TRIM21: variants seen among roughly 807,000 people sequenced by gnomAD.
TRIM21 encodes E3 ubiquitin-protein ligase TRIM21.
A neutral mutation model predicts 36.1 loss-of-function variants in TRIM21; 35 were observed. The observed-to-expected ratio is 0.97, with a 90% CI of 0.74 to 1.28. The LOEUF (loss-of-function observed/expected upper bound fraction) is 1.28. Ranked by LOEUF, TRIM21 falls within the 50% of genes most tolerant of loss-of-function variation. TRIM21 has a pLI of 0.00. For missense variants in TRIM21, 635 were observed against 570.7 expected (o/e 1.11, Z -1.15); for synonymous variants, 256 against 211.5 (o/e 1.21, Z -1.83).
intron 5 of TRIM21, 86 bp from the exon 6 acceptor site, chr11:4,386,343 A>T: frequency 3.6e-6 from 4 of 1,113,010 alleles, no homozygotes; most frequent in Non-Finnish European, 5.4e-6. Context: ...GGACTCCGAT[A>T]ATTTAATTCA....
rs527714053 is a variant in TRIM21, at chr11:4,386,976, G to A, written c.750C>T (p.Val250=). 11 of 1,583,352 alleles carry A rather than the reference G, an allele frequency of 6.9e-6. No individual in the cohort carries two copies. The East Asian group carries it at 1.8e-4, about 26-fold the overall frequency. The change falls in exon 5 of 7, where the codon GTC becomes GTT. Residue 250 remains valine, a synonymous_variant. Coordinates refer to ENST00000254436, the MANE Select transcript of TRIM21 (RefSeq NM_003141.4). The stretch of plus-strand genomic sequence containing the variant: ...AGAAAACTCCTCCTTACCTTTCCAG[G>A]ACAATTATCACCTCCTGAGGAGAAA... ...ALELLQEVII[V]LERSESWNLK...
At chr11:4,387,535 C>T (rs1455040800) in intron 4 of TRIM21, among the ~76,000 whole-genome samples, 1 of 152,126 alleles carries the variant, frequency 6.6e-6, no homozygotes, top group Admixed American at 6.5e-5. Context: ...TAGCAGGCTC[C>T]TAGACTCAGT....
chr11:4,389,653 C>A lies in TRIM21; in HGVS notation c.504+1G>T. On this transcript the variant is annotated splice_donor_variant, in intron 3 of 6. Coordinates refer to ENST00000254436, the MANE Select transcript of TRIM21 (RefSeq NM_003141.4). LOFTEE classifies it high-confidence loss of function. Reference sequence around the variant, plus strand: ...GATCTCCTTCAGGATGTCATTCTTACCTTCCAGTCTGCTCTCTTTATTGCA... The same window carrying A: ...GATCTCCTTCAGGATGTCATTCTTAACTTCCAGTCTGCTCTCTTTATTGCA... 1.2e-6 allele frequency: 2 copies of A among 1,613,508 alleles called. No homozygotes were observed. Among genetic ancestry groups the A allele is most frequent in the Non-Finnish European group, 1.7e-6 (2 of 1,179,482 alleles).
chr11:4,390,098 C>A lies in TRIM21; in HGVS notation c.312G>T (p.Glu104Asp), dbSNP rs989966146. 1.2e-6 allele frequency: 2 copies of A among 1,613,926 alleles called. No individual in the cohort carries two copies. Among genetic ancestry groups the A allele is most frequent in the African/African-American group, 2.7e-5 (2 of 74,936 alleles). ...VHGERLHLFCEKDGKALCWVC... is the reference protein window; with the variant it reads ...VHGERLHLFCDKDGKALCWVC... ...CCCAGCAAAGGGCCTTCCCATCTTT[C>A]TCACAGAACAGGTGAAGTCTCTCTC... The change falls in exon 2 of 7, where the codon GAG becomes GAT. Residue 104 changes from glutamate (E) to aspartate (D), a missense_variant. Coordinates refer to ENST00000254436, the MANE Select transcript of TRIM21 (RefSeq NM_003141.4).
At chr11:4,390,589 T>A in intron 1 of TRIM21, 131 bp from the exon 2 acceptor site, 1 of 630,762 alleles carries the variant, frequency 1.6e-6, no homozygotes. Context: ...TCCTAAAATT[T>A]ATATGGAATC....
rs140930668 is a variant in TRIM21, at chr11:4,387,888, G to C, written c.735+412C>G. The stretch of plus-strand genomic sequence containing the variant: ...GCCTGGTTCAATGTTGGGCAGAAGA[G>C]AGCCTGTCAAGTCAACCCAATACAA... On this transcript the variant is annotated intron_variant, in intron 4 of 6. Coordinates refer to ENST00000254436, the MANE Select transcript of TRIM21 (RefSeq NM_003141.4). Among the ~76,000 whole-genome samples the C allele has an allele frequency of 6.5e-3, 997 of 152,272 alleles. 5 individuals are homozygous for C. The highest frequency in any genetic ancestry group is 0.023 in the African/African-American group (959 of 41,548).
At chr11:4,391,040 C>A (rs1203213676) in intron 1 of TRIM21, among the ~76,000 whole-genome samples, 1 of 152,186 alleles carries the variant, frequency 6.6e-6, no homozygotes, top group East Asian at 1.9e-4. Flanking sequence ...AAATATCCCA[C>A]AAGCACAGGC....
In TRIM21 at chr11:4,390,442, A is replaced by C. The variant is rs1191679201; in HGVS notation, c.-33T>G. The C allele has an allele frequency of 6.4e-7, 1 of 1,563,128 alleles. No individual in the cohort carries two copies. Among genetic ancestry groups the C allele is most frequent in the South Asian group, 1.2e-5 (1 of 85,466 alleles). Reference sequence around the variant, plus strand: ...TGTGCCGTTAAACAGCAGTGTGGAGACCTTTAGGGGGTTTGGCTGGGAGAG... The same window carrying C: ...TGTGCCGTTAAACAGCAGTGTGGAGCCCTTTAGGGGGTTTGGCTGGGAGAG... On this transcript the variant is annotated 5_prime_UTR_variant, in exon 2 of 7. Transcript: ENST00000254436.
chr11:4,392,822 T>A (rs559844451), intron 1 of TRIM21, among the ~76,000 whole-genome samples: 1 of 152,300 alleles, frequency 6.6e-6, no homozygotes, highest in East Asian at 1.9e-4. Flanking sequence ...TGTCCATTCC[T>A]GCTTAAACCC....
In TRIM21 at chr11:4,390,401, T is replaced by C. The variant is rs1394250777; in HGVS notation, c.9A>G (p.Ser3=). The change falls in exon 2 of 7, where the codon TCA becomes TCG. Residue 3 remains serine, a synonymous_variant. Transcript: ENST00000254436. MA[S]AARLTMMWEE... ...CCCACATCATTGTCAAGCGTGCTGCTGAAGCCATTGTCAAGTGTGCCGTTA... is the reference window on the plus strand; with the variant it reads ...CCCACATCATTGTCAAGCGTGCTGCCGAAGCCATTGTCAAGTGTGCCGTTA... 6.2e-7 allele frequency: 1 copy of C among 1,604,880 alleles called. No homozygotes were observed. The highest frequency in any genetic ancestry group is 1.7e-5 in the Admixed American group (1 of 59,824).
At chr11:4,392,714 A>G (rs2094964473) in intron 1 of TRIM21, among the ~76,000 whole-genome samples, 1 of 152,328 alleles carries the variant, frequency 6.6e-6, no homozygotes, top group Admixed American at 6.5e-5. Flanking sequence ...TGTTTGGTCC[A>G]TTGATCCAGT....
In TRIM21 at chr11:4,388,367, T is replaced by G. The variant is rs2094958873; in HGVS notation, c.668A>C (p.Gln223Pro). The G allele has an allele frequency of 1.2e-6, 2 of 1,613,884 alleles. No homozygotes were observed. Among genetic ancestry groups the G allele is most frequent in the Non-Finnish European group, 1.7e-6 (2 of 1,179,904 alleles). Reference protein sequence around the residue: ...EKEAKLAQQSQALQELISELD... With the variant: ...EKEAKLAQQSPALQELISELD... ...CTCTGAGATGAGCTCCTGTAGGGCCTGGCTCTGCTGGGCCAGCTTGGCCTC... is the reference window on the plus strand; with the variant it reads ...CTCTGAGATGAGCTCCTGTAGGGCCGGGCTCTGCTGGGCCAGCTTGGCCTC... The change falls in exon 4 of 7, where the codon CAG (glutamine) becomes CCG (proline). Residue 223 changes from glutamine (Q) to proline (P), a missense_variant. Gln to Pro is a moderately conservative substitution (Grantham distance 76). Transcript: ENST00000254436.
rs1326970676 is a variant in TRIM21 at position 4,393,630 on chromosome 11, C to A, written c.-50+3G>T. 1.3e-5 allele frequency: 2 copies of A among 152,294 alleles called. No homozygotes were observed. The highest frequency in any genetic ancestry group is 4.8e-5 in the African/African-American group (2 of 41,428). 9.4% of individuals were successfully genotyped at this position (152,294 alleles called of 1,614,324 possible). On this transcript the variant is annotated splice_donor_region_variant and intron_variant, in intron 1 of 6. Transcript: ENST00000254436. ...GTCCCTTGATCTAGTGGGGTTCACT[C>A]ACCTTTACAGGGGACTCAACGCTGG...
In TRIM21 at chr11:4,385,747, T is replaced by C. The variant is rs2094955565; in HGVS notation, c.966A>G (p.Glu322=). ...GDTQQSIPGN[E]ERFDSYPMVL... is the part of the protein sequence containing the mutation. The stretch of plus-strand genomic sequence containing the variant: ...CCATAGGATAACTATCAAATCTCTC[T>C]TCATTTCCAGGTATGCTCTGCTGGG... Residue 322 remains glutamate (E), a synonymous_variant, in exon 7 of 7, where the codon GAA becomes GAG. Coordinates refer to ENST00000254436, the MANE Select transcript of TRIM21 (RefSeq NM_003141.4). 1 of 1,613,350 alleles carries C rather than the reference T, an allele frequency of 6.2e-7. No individual in the cohort carries two copies. Among genetic ancestry groups the C allele is most frequent in the African/African-American group, 1.3e-5 (1 of 74,908 alleles).
At chr11:4,390,582 T>TA in intron 1 of TRIM21, 124 bp from the exon 2 acceptor site, 1 of 651,928 alleles carries the variant, frequency 1.5e-6, no homozygotes, top group Admixed American at 3.1e-5. Context: ...AAAACAATCC[T>TA]AAAATTTATA....
intron 1 of TRIM21, among the ~76,000 whole-genome samples, chr11:4,391,893 G>A (rs977536590): frequency 1.3e-5 from 2 of 152,140 alleles, no homozygotes; most frequent in African/African-American, 4.8e-5. Flanking sequence ...TGAACTCATG[G>A]AGTTAGATAA....
Position 4,385,704 on chromosome 11 carries a change from A to C in TRIM21, c.1009T>G (p.Phe337Val). The part of the protein sequence containing the change: ...SYPMVLGAQH[F>V]HSGKHYWEVD... ...TCCCAGTAATGTTTTCCAGAGTGAAAGTGCTGGGCACCCAGGACCATAGGA... is the reference window on the plus strand; with the variant it reads ...TCCCAGTAATGTTTTCCAGAGTGAACGTGCTGGGCACCCAGGACCATAGGA... Residue 337 changes from phenylalanine to valine, a missense_variant, in exon 7 of 7, where the codon TTT (phenylalanine) becomes GTT (valine). Physicochemically the swap from Phe to Val is conservative, Grantham distance 50. Coordinates refer to ENST00000254436, the MANE Select transcript of TRIM21 (RefSeq NM_003141.4). 3.1e-6 allele frequency: 5 copies of C among 1,613,248 alleles called. No homozygotes were observed. The highest frequency in any genetic ancestry group is 4.2e-6 in the Non-Finnish European group (5 of 1,179,598).
At position 4,388,240 on chromosome 11, in the gene TRIM21, T is replaced by C; in HGVS notation, c.735+60A>G. On this transcript the variant is annotated intron_variant, in intron 4 of 6. Coordinates refer to ENST00000254436, the MANE Select transcript of TRIM21 (RefSeq NM_003141.4). The stretch of plus-strand genomic sequence containing the variant: ...CATTTATTCAAATGGCAGTTCCAGA[T>C]AGCTCTGGTCTTTTTCAGTTATTCC... 5 of 1,414,986 alleles carry C rather than the reference T, an allele frequency of 3.5e-6. No individual in the cohort carries two copies. The Admixed American group carries it at 6.3e-5, about 18-fold the overall frequency. 87.7% of individuals were successfully genotyped at this position (1,414,986 alleles called of 1,614,324 possible).
intron 6 of TRIM21, 89 bp from the exon 7 acceptor site, chr11:4,385,942 G>C: frequency 7.4e-7 from 1 of 1,354,916 alleles, no homozygotes; most frequent in East Asian, 2.5e-5. Flanking sequence ...TAAACTCCAG[G>C]GTAAGCATGA....
Sources: gnomAD v4.1 joint callset for allele counts (sites outside exome capture counted in the v4.1 genomes callset) on GRCh38, gnomAD v4.1.1 for gene constraint, MANE v1.5 for transcripts, NCBI Gene and HGNC (gene_info 2026-07-23, HGNC 2026-07-21) for gene names.